Variants in NREP observed in about 807,000 individuals in gnomAD.
The protein encoded by NREP is neuronal regeneration-related protein.
A neutral mutation model predicts 8.6 loss-of-function variants in NREP; 5 were observed. The observed-to-expected ratio is 0.58, with a 90% CI of 0.30 to 1.22. The LOEUF (loss-of-function observed/expected upper bound fraction) is 1.22. Ranked by LOEUF, NREP falls within the 50% of genes most tolerant of loss-of-function variation. The pLI is 0.07. For synonymous variants in NREP, 27 were observed against 28.0 expected (o/e 0.96, Z 0.11); for missense variants, 86 against 82.5 (o/e 1.04, Z -0.17).
chr5:111,775,175 G>A (rs1285104756), intron 2 of NREP, among the ~76,000 whole-genome samples: 3 of 152,124 alleles, frequency 2.0e-5, no homozygotes, highest in African/African-American at 7.2e-5. Flanking sequence ...ACGGATGCAC[G>A]CCACCATACC....
intron 2 of NREP, among the ~76,000 whole-genome samples, chr5:111,838,983 G>A (rs1581155801): frequency 6.6e-6 from 1 of 151,862 alleles, no homozygotes; most frequent in South Asian, 2.1e-4. Context: ...GTTTCAATGG[G>A]GGAAAATGTC....
intron 2 of NREP, among the ~76,000 whole-genome samples, chr5:111,936,549 C>T (rs905027522): frequency 6.6e-6 from 1 of 152,034 alleles, no homozygotes; most frequent in African/African-American, 2.4e-5. Context: ...CCCAGTATGA[C>T]CTCATCTTAA....
rs191080104 is a variant in NREP, at chr5:111,930,263, G to A, written c.135+45011C>T. On this transcript the variant is annotated intron_variant, in intron 2 of 3. Coordinates refer to the NREP transcript ENST00000395634. ...CAAGTTAACTGATTACACAGCTCAGGATTTCTCTTTAAATGTTAGGCTCCC... is the reference window on the plus strand; with the variant it reads ...CAAGTTAACTGATTACACAGCTCAGAATTTCTCTTTAAATGTTAGGCTCCC... Among the ~76,000 whole-genome samples the A allele has an allele frequency of 2.3e-3, 347 of 152,224 alleles. 3 individuals are homozygous for A. Among genetic ancestry groups the A allele is most frequent in the African/African-American group, 7.8e-3 (324 of 41,560 alleles).
chr5:111,884,073 C>A (rs1015203146), intron 2 of NREP, among the ~76,000 whole-genome samples: 1 of 152,074 alleles, frequency 6.6e-6, no homozygotes, highest in Non-Finnish European at 1.5e-5. Flanking sequence ...TGATAGACCA[C>A]TAGGAAGACC....
chr5:111,733,649 G>A (rs1263958112), intron 3 of NREP: 2 of 151,980 alleles, frequency 1.3e-5, no homozygotes, highest in Non-Finnish European at 2.9e-5. Flanking sequence ...AAGAATTCAA[G>A]CCAAAAAAAG....
At chr5:111,936,144 T>G (rs1755676024) in intron 2 of NREP, among the ~76,000 whole-genome samples, 1 of 152,086 alleles carries the variant, frequency 6.6e-6, no homozygotes, top group South Asian at 2.1e-4. Context: ...CCTATCCGAT[T>G]AAGGGCATGA....
chr5:111,966,982 A>T (rs542622976), intron 2 of NREP, among the ~76,000 whole-genome samples: 1 of 152,340 alleles, frequency 6.6e-6, no homozygotes, highest in Admixed American at 6.5e-5. Context: ...ACAAAGAGAC[A>T]TCTGGCCCCC....
rs141633705 is a variant in NREP, at chr5:111,751,225, A to C, written c.3+4545T>G. Among the ~76,000 whole-genome samples, 400 of 152,362 alleles carry C rather than the reference A, an allele frequency of 2.6e-3. 3 individuals are homozygous for C. Among genetic ancestry groups the C allele is most frequent in the African/African-American group, 9.1e-3 (379 of 41,594 alleles). ...TTTAGTTGAGCAAGGAAAGAAATGC[A>C]TATGATCCAACTAACAAATAATCGC... On this transcript the variant is annotated intron_variant, in intron 2 of 3. Transcript: ENST00000257435.
chr5:111,788,713 G>A (rs1391717867), intron 2 of NREP, among the ~76,000 whole-genome samples: 2 of 152,176 alleles, frequency 1.3e-5, no homozygotes, highest in African/African-American at 4.8e-5. Context: ...ACATGGTGAT[G>A]GTTAATTTTA....
At chr5:111,940,682 C>T (rs1246902994) in intron 2 of NREP, among the ~76,000 whole-genome samples, 1 of 151,992 alleles carries the variant, frequency 6.6e-6, no homozygotes, top group Non-Finnish European at 1.5e-5. Context: ...CTCATGCAAA[C>T]ATTAGGAGTA....
At chr5:111,942,659 A>T (rs1755861133) in intron 2 of NREP, among the ~76,000 whole-genome samples, 1 of 152,032 alleles carries the variant, frequency 6.6e-6, no homozygotes, top group Non-Finnish European at 1.5e-5. Context: ...AAACAGCATC[A>T]GATAATGATA....
chr5:111,788,023 G>T (rs1403503076), intron 2 of NREP, among the ~76,000 whole-genome samples: 2 of 152,072 alleles, frequency 1.3e-5, no homozygotes, highest in South Asian at 2.1e-4. Flanking sequence ...AGCCCAGGAG[G>T]GGGAGTCTGC....
intron 2 of NREP, among the ~76,000 whole-genome samples, chr5:111,786,133 A>T (rs762912823): frequency 1.9e-4 from 29 of 152,202 alleles, no homozygotes; most frequent in Non-Finnish European, 3.7e-4. Flanking sequence ...TAGCTCATTC[A>T]ATTTTTAAAC....
intron 2 of NREP, among the ~76,000 whole-genome samples, chr5:111,964,684 T>TA (rs1756582479): frequency 6.6e-6 from 1 of 151,936 alleles, no homozygotes; most frequent in Non-Finnish European, 1.5e-5. Flanking sequence ...CTACTGTTGA[T>TA]AGACAACTGG....
intron 2 of NREP, among the ~76,000 whole-genome samples, chr5:111,939,425 C>T (rs1417773162): frequency 6.6e-6 from 1 of 152,068 alleles, no homozygotes; most frequent in Non-Finnish European, 1.5e-5. Flanking sequence ...TTTTCCCAGA[C>T]ATTACAGTCT....
intron 2 of NREP, among the ~76,000 whole-genome samples, chr5:111,745,181 G>C (rs1460782760): frequency 1.3e-5 from 2 of 152,102 alleles, no homozygotes; most frequent in African/African-American, 4.8e-5. Context: ...GCTGGCAACA[G>C]GATCAGGCAC....
chr5:111,976,360 C>T (rs1298795280), intron 1 of NREP, among the ~76,000 whole-genome samples: 2 of 152,198 alleles, frequency 1.3e-5, no homozygotes, highest in Non-Finnish European at 2.9e-5. Context: ...TTTCCTGGAA[C>T]ATTCCTCTTT....
At chr5:111,838,044 A>G (rs1041425080) in intron 2 of NREP, among the ~76,000 whole-genome samples, 2 of 152,112 alleles carry the variant, frequency 1.3e-5, no homozygotes, top group African/African-American at 2.4e-5. Flanking sequence ...GCACTACCCA[A>G]AAGAAATATG....
At chr5:111,880,499 T>C (rs1186105128) in intron 2 of NREP, among the ~76,000 whole-genome samples, 2 of 152,142 alleles carry the variant, frequency 1.3e-5, no homozygotes, top group South Asian at 2.1e-4. Flanking sequence ...TCTTGCATGG[T>C]CGTCCTTCTG....
Sources: allele counts gnomAD v4.1 joint callset (sites outside exome capture counted in the v4.1 genomes callset), GRCh38; gene constraint gnomAD v4.1.1; transcripts MANE v1.5; gene names NCBI Gene and HGNC (gene_info 2026-07-23, HGNC 2026-07-21).